The following SLC9A9 variants were observed in gnomAD, a reference collection of about 807,000 sequenced individuals.
The protein encoded by SLC9A9 is sodium/hydrogen exchanger 9.
Under a neutral mutation model 77.8 loss-of-function variants are expected in SLC9A9, and 62 were observed. That is an observed-to-expected ratio of 0.80 (90% CI 0.65 to 0.98). The LOEUF (loss-of-function observed/expected upper bound fraction) is 0.98. SLC9A9 is among the 50% of genes least tolerant of loss of function. The pLI, the probability that SLC9A9 is intolerant of heterozygous loss-of-function variation, is 0.00. For missense variants in SLC9A9, 775 were observed against 774.9 expected, an observed-to-expected ratio of 1.00 and a Z score of 0.00; for synonymous variants, 320 against 283.5, an observed-to-expected ratio of 1.13 and a Z score of -1.29.
chr3:143,570,055 C>T (rs1004836347), intron 8 of SLC9A9, among the ~76,000 whole-genome samples: 1 of 151,856 alleles, frequency 6.6e-6, no homozygotes, highest in African/African-American at 2.4e-5. Flanking sequence ...ATCCTCCCTG[C>T]TTGGCCTCCC....
chr3:143,663,160 C>A (rs2108757700), intron 5 of SLC9A9, among the ~76,000 whole-genome samples: 1 of 152,288 alleles, frequency 6.6e-6, no homozygotes, highest in South Asian at 2.1e-4. Flanking sequence ...TCTGGTGATA[C>A]CCAGGCAAAC....
intron 11 of SLC9A9, among the ~76,000 whole-genome samples, chr3:143,475,608 C>G (rs1329643928): frequency 6.6e-6 from 1 of 151,788 alleles, no homozygotes; most frequent in Non-Finnish European, 1.5e-5. Flanking sequence ...CTGGCTAACA[C>G]GGTGAAACCC....
At chr3:143,499,035 G>C (rs974880734) in intron 9 of SLC9A9, among the ~76,000 whole-genome samples, 1 of 152,170 alleles carries the variant, frequency 6.6e-6, no homozygotes, top group African/African-American at 2.4e-5. Context: ...GGGACATAGT[G>C]CCATGCAGTT....
At chr3:143,671,330 AGTGTT>A (rs1033063265) in intron 5 of SLC9A9, among the ~76,000 whole-genome samples, 6 of 152,156 alleles carry the variant, frequency 3.9e-5, no homozygotes, top group Non-Finnish European at 8.8e-5. Flanking sequence ...GATAGATGTT[AGTGTT>A]TAGTATCTAG....
chr3:143,687,995 C>T (rs1005438438), intron 5 of SLC9A9, among the ~76,000 whole-genome samples: 2 of 151,600 alleles, frequency 1.3e-5, no homozygotes, highest in Non-Finnish European at 2.9e-5. Flanking sequence ...TCTTCCTTCC[C>T]TCCTCCCTCT....
chr3:143,418,888 T>C (rs2034247842), intron 12 of SLC9A9, among the ~76,000 whole-genome samples: 2 of 152,184 alleles, frequency 1.3e-5, no homozygotes, highest in Non-Finnish European at 2.9e-5. Flanking sequence ...TTTGCAGGGA[T>C]GTGTGCCCAC....
At chr3:143,321,949 C>G (rs77830376) in intron 14 of SLC9A9, among the ~76,000 whole-genome samples, 1 of 152,096 alleles carries the variant, frequency 6.6e-6, no homozygotes, top group African/African-American at 2.4e-5. Context: ...AAGTTAGGAA[C>G]CCTTGTTCTA....
intron 9 of SLC9A9, among the ~76,000 whole-genome samples, chr3:143,543,308 C>T (rs1295303780): frequency 2.6e-5 from 4 of 152,162 alleles, no homozygotes; most frequent in Non-Finnish European, 5.9e-5. Flanking sequence ...GCGGCCCACC[C>T]CTAACTATTT....
chr3:143,475,895 G>A (rs1220850900), intron 11 of SLC9A9, among the ~76,000 whole-genome samples: 4 of 151,738 alleles, frequency 2.6e-5, no homozygotes, highest in African/African-American at 9.7e-5. Context: ...TAAAAGAAAA[G>A]TCCTTTAGAT....
intron 4 of SLC9A9, among the ~76,000 whole-genome samples, chr3:143,736,261 C>A (rs965673160): frequency 2.0e-5 from 3 of 152,154 alleles, no homozygotes; most frequent in Non-Finnish European, 4.4e-5. Flanking sequence ...TAATTTATCA[C>A]CTACTTCCTT....
chr3:143,683,344 T>A (rs1427467433), intron 5 of SLC9A9, among the ~76,000 whole-genome samples: 2 of 152,074 alleles, frequency 1.3e-5, no homozygotes, highest in Non-Finnish European at 2.9e-5. Context: ...TATGAGGATA[T>A]AGGAACAATT....
intron 9 of SLC9A9, among the ~76,000 whole-genome samples, chr3:143,536,062 G>C (rs924879430): frequency 1.3e-5 from 2 of 152,166 alleles, no homozygotes; most frequent in African/African-American, 4.8e-5. Flanking sequence ...ATTATCTATG[G>C]CATAATAGAA....
intron 14 of SLC9A9, among the ~76,000 whole-genome samples, chr3:143,277,519 C>T (rs1938086801): frequency 6.6e-6 from 1 of 152,118 alleles, no homozygotes; most frequent in Admixed American, 6.5e-5. Flanking sequence ...TAAATTTTAC[C>T]ACTATTAGGT....
At chr3:143,819,910 G>A (rs565352515) in intron 2 of SLC9A9, among the ~76,000 whole-genome samples, 100 of 152,296 alleles carry the variant, frequency 6.6e-4, no homozygotes, top group Admixed American at 1.3e-3. Context: ...TAAGGCCTTA[G>A]CTATTTACAA....
At position 143,459,585 on chromosome 3, in the gene SLC9A9, C is replaced by T. The variant is rs527324125; in HGVS notation, c.1469+7452G>A. On this transcript the variant is annotated intron_variant, in intron 12 of 15. Transcript: ENST00000316549. ...CTGGGTAATGTTCTGACTTATAGTT[C>T]ATTTCTTATTGTCTTAGGTGTATGC... Among the ~76,000 whole-genome samples, 59 of 152,172 alleles carry T rather than the reference C, an allele frequency of 3.9e-4. 1 individual carries two copies. Among genetic ancestry groups the T allele is most frequent in the African/African-American group, 1.4e-3 (57 of 41,548 alleles).
chr3:143,660,426 C>A (rs1453218037), intron 5 of SLC9A9, among the ~76,000 whole-genome samples: 1 of 152,168 alleles, frequency 6.6e-6, no homozygotes, highest in African/African-American at 2.4e-5. Flanking sequence ...GAAACAGAGA[C>A]CTTGGTCTTC....
chr3:143,295,101 G>C (rs1306514406), intron 14 of SLC9A9, among the ~76,000 whole-genome samples: 3 of 152,186 alleles, frequency 2.0e-5, no homozygotes, highest in Non-Finnish European at 4.4e-5. Flanking sequence ...TGATGTTTAA[G>C]ATTGTTTTGA....
intron 6 of SLC9A9, among the ~76,000 whole-genome samples, chr3:143,600,878 CTGCCTCTCTCACTCCTGGCAGGGCT>C (rs2037835398): frequency 6.6e-6 from 1 of 152,180 alleles, no homozygotes; most frequent in Non-Finnish European, 1.5e-5. Context: ...ACCCACTGGG[CTGCCTCTCTCACTCCTGGCAGGGCT>C]TGCTGGAGAT....
At chr3:143,279,056 C>G (rs1327712614) in intron 14 of SLC9A9, among the ~76,000 whole-genome samples, 1 of 151,610 alleles carries the variant, frequency 6.6e-6, no homozygotes, top group Non-Finnish European at 1.5e-5. Context: ...ACATTTTTTT[C>G]ACTGTGTCCC....
Sources: allele counts gnomAD v4.1 joint callset (sites outside exome capture counted in the v4.1 genomes callset), GRCh38; gene constraint gnomAD v4.1.1; transcripts MANE v1.5; gene names NCBI Gene and HGNC (gene_info 2026-07-23, HGNC 2026-07-21).